The following STARD3NL variants were observed in gnomAD, a reference collection of about 807,000 sequenced individuals.
STARD3NL encodes the protein STARD3 N-terminal-like protein.
STARD3NL carries 17 observed loss-of-function variants against 30.9 expected under a neutral mutation model. The ratio of observed to expected loss-of-function variants is 0.55; its 90% CI spans 0.38 to 0.82. The LOEUF is 0.82. STARD3NL is among the 40% of genes least tolerant of loss of function. The pLI is 0.00. For synonymous variants in STARD3NL, 112 were observed against 100.5 expected, an observed-to-expected ratio of 1.11 and a Z score of -0.69; for missense variants, 234 against 277.6, an observed-to-expected ratio of 0.84 and a Z score of 1.12.
intron 1 of STARD3NL, among the ~76,000 whole-genome samples, chr7:38,185,000 T>C (rs568303142): frequency 1.3e-5 from 2 of 151,972 alleles, no homozygotes; most frequent in Non-Finnish European, 2.9e-5. Context: ...ATTCTCTGCC[T>C]CTGTAACGTG....
chr7:38,206,414 A>C (rs548098405), intron 1 of STARD3NL, among the ~76,000 whole-genome samples: 1 of 152,328 alleles, frequency 6.6e-6, no homozygotes, highest in Non-Finnish European at 1.5e-5. Context: ...GAGGTCCTAC[A>C]GGAAAGGAAA....
intron 1 of STARD3NL, among the ~76,000 whole-genome samples, chr7:38,196,917 A>G (rs1162810411): frequency 2.0e-5 from 3 of 152,306 alleles, no homozygotes; most frequent in Middle Eastern, 3.4e-3. Flanking sequence ...ACACAGGAAA[A>G]CAAGGCTGCT....
chr7:38,225,590 A>G (rs1021483597), intron 7 of STARD3NL, among the ~76,000 whole-genome samples: 1 of 48,836 alleles, frequency 2.0e-5, no homozygotes, highest in African/African-American at 5.5e-5. Flanking sequence ...TGAAAAGACA[A>G]CCTTTCCCCA....
intron 2 of STARD3NL, among the ~76,000 whole-genome samples, chr7:38,208,198 C>T (rs1785598965): frequency 6.6e-6 from 1 of 152,184 alleles, no homozygotes; most frequent in Non-Finnish European, 1.5e-5. Context: ...CCCATCCTTC[C>T]TCCAGAAAAT....
rs575465073 is a variant in STARD3NL at position 38,182,507 on chromosome 7, A to G, written c.-59+4087A>G. 4.6e-5 allele frequency among the ~76,000 whole-genome samples: 7 copies of G among 152,294 alleles called. No individual in the cohort carries two copies. The East Asian group carries it at 1.3e-3, about 29-fold the overall frequency. On this transcript the variant is annotated intron_variant, in intron 1 of 8. Transcript: ENST00000009041. ...TGCTAGGCTAAGAAGCCTGGTCAGTACCCCTGGTTCATGGCTGCAGAGGCT... is the reference window on the plus strand; with the variant it reads ...TGCTAGGCTAAGAAGCCTGGTCAGTGCCCCTGGTTCATGGCTGCAGAGGCT...
At chr7:38,190,747 C>T (rs1268658296) in intron 1 of STARD3NL, among the ~76,000 whole-genome samples, 1 of 152,108 alleles carries the variant, frequency 6.6e-6, no homozygotes, top group Non-Finnish European at 1.5e-5. Flanking sequence ...TCTTTATGCT[C>T]TTTTCTATTT....
At chr7:38,215,308 C>G (rs1382986788) in intron 4 of STARD3NL, 1 of 540,892 alleles carries the variant, frequency 1.8e-6, no homozygotes, top group Non-Finnish European at 3.3e-6. Context: ...AGATTTGTCT[C>G]TTGGTGCTGA....
At chr7:38,226,812 C>CT (rs1442171885) in intron 7 of STARD3NL, among the ~76,000 whole-genome samples, 1 of 152,206 alleles carries the variant, frequency 6.6e-6, no homozygotes, top group Non-Finnish European at 1.5e-5. Context: ...CCACTCCAAA[C>CT]TAAGCGATCT....
At chr7:38,195,660 G>C (rs1293518694) in intron 1 of STARD3NL, among the ~76,000 whole-genome samples, 1 of 152,202 alleles carries the variant, frequency 6.6e-6, no homozygotes, top group African/African-American at 2.4e-5. Flanking sequence ...ATAATTACCT[G>C]TAAGTTTATA....
At chr7:38,197,195 T>TCTTTCTTTC (rs1784960888) in intron 1 of STARD3NL, among the ~76,000 whole-genome samples, 1 of 144,320 alleles carries the variant, frequency 6.9e-6, no homozygotes, top group Non-Finnish European at 1.5e-5. Context: ...TTTCTTTCTT[T>TCTTTCTTTC]TTCTCTCTCT....
At chr7:38,205,730 A>G (rs1339409163) in intron 1 of STARD3NL, among the ~76,000 whole-genome samples, 2 of 152,222 alleles carry the variant, frequency 1.3e-5, no homozygotes, top group South Asian at 4.1e-4. Context: ...GTGTACATCA[A>G]TAAATTATCA....
At chr7:38,187,289 T>G (rs956633856) in intron 1 of STARD3NL, among the ~76,000 whole-genome samples, 2 of 152,266 alleles carry the variant, frequency 1.3e-5, no homozygotes, top group Non-Finnish European at 2.9e-5. Context: ...GAACAACTTA[T>G]ATACATTGTC....
At chr7:38,221,969 C>T (rs546155864) in intron 7 of STARD3NL, among the ~76,000 whole-genome samples, 11 of 152,270 alleles carry the variant, frequency 7.2e-5, no homozygotes, top group African/African-American at 2.2e-4. Flanking sequence ...CCATCGCTCC[C>T]GGCAGTCTTA....
At chr7:38,198,786 TAGC>T (rs1785042192) in intron 1 of STARD3NL, among the ~76,000 whole-genome samples, 1 of 152,160 alleles carries the variant, frequency 6.6e-6, no homozygotes, top group African/African-American at 2.4e-5. Context: ...TCCTGCTCCA[TAGC>T]AGCTGCTGTC....
intron 1 of STARD3NL, among the ~76,000 whole-genome samples, chr7:38,196,437 G>GT (rs906048111): frequency 6.6e-6 from 1 of 151,924 alleles, no homozygotes; most frequent in African/African-American, 2.4e-5. Flanking sequence ...TTCATTATGT[G>GT]TTTTTTTAAT....
At chr7:38,199,549 T>C (rs921386832) in intron 1 of STARD3NL, among the ~76,000 whole-genome samples, 1 of 152,128 alleles carries the variant, frequency 6.6e-6, no homozygotes, top group Non-Finnish European at 1.5e-5. Flanking sequence ...TAAGGCCTAG[T>C]GTGGTAAGCA....
chr7:38,210,525 T>C (rs1785737633), intron 2 of STARD3NL, among the ~76,000 whole-genome samples: 1 of 152,208 alleles, frequency 6.6e-6, no homozygotes, highest in African/African-American at 2.4e-5. Flanking sequence ...TTCATTTTCC[T>C]TCTAGAAGAT....
chr7:38,221,888 G>T (rs1408566420), intron 7 of STARD3NL, among the ~76,000 whole-genome samples: 3 of 152,116 alleles, frequency 2.0e-5, no homozygotes, highest in Non-Finnish European at 4.4e-5. Flanking sequence ...TCCATTCTGA[G>T]CATGATCTCC....
chr7:38,188,293 T>C lies in STARD3NL; in HGVS notation c.-59+9873T>C, dbSNP rs557128561. Among the ~76,000 whole-genome samples the C allele has an allele frequency of 5.9e-5, 9 of 152,336 alleles. 1 individual carries two copies. In the South Asian group the frequency reaches 1.9e-3, roughly 32 times the overall value. ...CGCTGGCCACCTGGCTGCACTCCTC[T>C]GTGACCAGCTCCACCCCTCCTCAGA... On this transcript the variant is annotated intron_variant, in intron 1 of 8. Coordinates refer to ENST00000009041, the MANE Select transcript of STARD3NL (RefSeq NM_032016.4).
Sources: allele counts gnomAD v4.1 joint callset (sites outside exome capture counted in the v4.1 genomes callset), GRCh38; gene constraint gnomAD v4.1.1; transcripts MANE v1.5; gene names NCBI Gene and HGNC (gene_info 2026-07-23, HGNC 2026-07-21).